The following CHST11 variants were observed in gnomAD, a reference collection of about 807,000 sequenced individuals.
CHST11 encodes the protein C4S-1.
A neutral mutation model predicts 30.4 loss-of-function variants in CHST11; 9 were observed. The observed-to-expected ratio is 0.30, with a 90% CI of 0.18 to 0.52. CHST11 has a LOEUF of 0.52. CHST11 is among the 20% of genes least tolerant of loss of function. CHST11 has a pLI of 0.97. For missense variants in CHST11, 348 were observed against 460.6 expected, an observed-to-expected ratio of 0.76 and a Z score of 2.24; for synonymous variants, 152 against 187.8, an observed-to-expected ratio of 0.81 and a Z score of 1.56.
chr12:104,481,909 C>G (rs1274690820), intron 1 of CHST11, among the ~76,000 whole-genome samples: 2 of 146,828 alleles, frequency 1.4e-5, no homozygotes, highest in Admixed American at 1.4e-4. Flanking sequence ...ATGATCTTGG[C>G]TCACTGCAGC....
intron 1 of CHST11, among the ~76,000 whole-genome samples, chr12:104,546,818 G>T (rs550459272): frequency 7.2e-5 from 11 of 152,224 alleles, no homozygotes; most frequent in African/African-American, 2.7e-4. Context: ...GACCAGCCAC[G>T]TGTGTACCCT....
At chr12:104,460,335 T>C (rs1388477222) in intron 1 of CHST11, among the ~76,000 whole-genome samples, 1 of 152,114 alleles carries the variant, frequency 6.6e-6, no homozygotes, top group African/African-American at 2.4e-5. Flanking sequence ...CCAGGCTTCG[T>C]TGGTGGCTGG....
chr12:104,458,419 A>G lies in CHST11; in HGVS notation c.118+890A>G, dbSNP rs989368585. On this transcript the variant is annotated intron_variant, in intron 1 of 2. Coordinates refer to ENST00000303694, the MANE Select transcript of CHST11 (RefSeq NM_018413.6). The surrounding 1 kb of genome is among the most constrained non-coding windows in gnomAD (Gnocchi z 5.7). Reference sequence around the variant, plus strand: ...TCCTCCGGTCCCTTGTGGCTCAGGCAAAGTTCCACGTCCGAAATCTGGACT... The same window carrying G: ...TCCTCCGGTCCCTTGTGGCTCAGGCGAAGTTCCACGTCCGAAATCTGGACT... Among the ~76,000 whole-genome samples, 1 of 152,184 alleles carries G rather than the reference A, an allele frequency of 6.6e-6. No individual in the cohort carries two copies. Among genetic ancestry groups the G allele is most frequent in the Non-Finnish European group, 1.5e-5 (1 of 68,018 alleles).
At chr12:104,572,271 A>G (rs1360866266) in intron 1 of CHST11, among the ~76,000 whole-genome samples, 1 of 151,990 alleles carries the variant, frequency 6.6e-6, no homozygotes, top group Non-Finnish European at 1.5e-5. Context: ...ATTGATTGGA[A>G]TAGTTTCAGA....
At chr12:104,533,747 C>T (rs1437268507) in intron 1 of CHST11, among the ~76,000 whole-genome samples, 2 of 152,114 alleles carry the variant, frequency 1.3e-5, no homozygotes, top group African/African-American at 2.4e-5. Flanking sequence ...ACAGTGGAAA[C>T]GTAGGAGCTG....
At chr12:104,543,980 C>T (rs1357612849) in intron 1 of CHST11, among the ~76,000 whole-genome samples, 1 of 150,122 alleles carries the variant, frequency 6.7e-6, no homozygotes, top group African/African-American at 2.5e-5. Flanking sequence ...AAAAATTAGC[C>T]GAGCCTGGTG....
intron 1 of CHST11, among the ~76,000 whole-genome samples, chr12:104,539,245 C>T (rs2038266015): frequency 6.6e-6 from 1 of 152,158 alleles, no homozygotes; most frequent in African/African-American, 2.4e-5. Flanking sequence ...CCAGCACTTG[C>T]CTGCTGTGTG....
At chr12:104,654,443 C>T (rs1342609112) in intron 2 of CHST11, among the ~76,000 whole-genome samples, 1 of 152,088 alleles carries the variant, frequency 6.6e-6, no homozygotes, top group Non-Finnish European at 1.5e-5. Flanking sequence ...TAGGAAGTGA[C>T]CAAGGACGTG....
At chr12:104,477,200 C>T (rs2037571654) in intron 1 of CHST11, among the ~76,000 whole-genome samples, 1 of 152,132 alleles carries the variant, frequency 6.6e-6, no homozygotes, top group Non-Finnish European at 1.5e-5. Flanking sequence ...ACTAGGTACC[C>T]ATTACAGGTG....
At chr12:104,628,039 A>G (rs941452874) in intron 2 of CHST11, among the ~76,000 whole-genome samples, 1 of 152,206 alleles carries the variant, frequency 6.6e-6, no homozygotes, top group African/African-American at 2.4e-5. Context: ...CTGGCATGTG[A>G]TAGCAGCGGG....
intron 1 of CHST11, among the ~76,000 whole-genome samples, chr12:104,578,809 A>G (rs1238522774): frequency 1.3e-5 from 2 of 152,238 alleles, no homozygotes; most frequent in Admixed American, 6.5e-5. Flanking sequence ...TGAAAAGCCA[A>G]CAGTGTTAAT....
chr12:104,457,818 T>C (rs1241678461), intron 1 of CHST11, among the ~76,000 whole-genome samples: 1 of 151,202 alleles, frequency 6.6e-6, no homozygotes, highest in Non-Finnish European at 1.5e-5. Flanking sequence ...CTTCTTTTTT[T>C]CTTTGTGTCC....
Position 104,550,186 on chromosome 12 carries a change from G to A in CHST11, c.119-51720G>A, listed in dbSNP as rs139313420. ...TTAGGCTTTCCAGTCTAGAGCTTAC[G>A]ACCCCCAGTGCAGGAGTAGCTTGGT... On this transcript the variant is annotated intron_variant, in intron 1 of 2. Coordinates refer to ENST00000303694, the MANE Select transcript of CHST11 (RefSeq NM_018413.6). Among the ~76,000 whole-genome samples, 5 of 152,272 alleles carry A rather than the reference G, an allele frequency of 3.3e-5. No homozygotes were observed. The East Asian group carries it at 7.7e-4, about 23-fold the overall frequency.
chr12:104,682,944 C>T (rs2039812258), intron 2 of CHST11, among the ~76,000 whole-genome samples: 1 of 152,242 alleles, frequency 6.6e-6, no homozygotes, highest in South Asian at 2.1e-4. Context: ...CTCTGTCCTT[C>T]TTCTCCAGAC....
At chr12:104,548,758 G>A (rs916966447) in intron 1 of CHST11, among the ~76,000 whole-genome samples, 1 of 152,166 alleles carries the variant, frequency 6.6e-6, no homozygotes, top group African/African-American at 2.4e-5. Context: ...ATTCCTTAGG[G>A]CAGGGCCCCT....
chr12:104,750,994 CTTG>C lies in CHST11; in HGVS notation c.205-5950_205-5948del, dbSNP rs568182501. Among the ~76,000 whole-genome samples the C allele has an allele frequency of 2.1e-3, 326 of 152,224 alleles. 1 individual carries two copies. Among genetic ancestry groups the C allele is most frequent in the African/African-American group, 7.6e-3 (314 of 41,518 alleles). On this transcript the variant is annotated intron_variant, in intron 2 of 2. Transcript: ENST00000303694. ...CTTCCTGAGGGGAAACTGTGTGTGC[CTTG>C]TTGTGGCAGGTGCACCATTTGCCCC...
In CHST11 at chr12:104,573,448, G is replaced by A. The variant is rs2038650316; in HGVS notation, c.119-28458G>A. ...CAAAGCTGGAGGCATCACGCTACCT[G>A]ACTTCAAACTATACTACAAGGCTAC... On this transcript the variant is annotated intron_variant, in intron 1 of 2. Coordinates refer to ENST00000303694, the MANE Select transcript of CHST11 (RefSeq NM_018413.6). Among the ~76,000 whole-genome samples the A allele has an allele frequency of 2.0e-5, 3 of 152,216 alleles. No individual in the cohort carries two copies. The South Asian group carries it at 6.2e-4, about 32-fold the overall frequency.
chr12:104,586,167 C>A (rs934906231), intron 1 of CHST11, among the ~76,000 whole-genome samples: 3 of 152,136 alleles, frequency 2.0e-5, no homozygotes, highest in African/African-American at 7.2e-5. Context: ...TTTGGAGGGA[C>A]ACTGTGCAGT....
At chr12:104,594,163 G>C (rs1346869026) in intron 1 of CHST11, among the ~76,000 whole-genome samples, 1 of 152,174 alleles carries the variant, frequency 6.6e-6, no homozygotes, top group Non-Finnish European at 1.5e-5. Flanking sequence ...GGGCAAACCT[G>C]GCAGGTGAGG....
Sources: gnomAD v4.1 joint callset for allele counts (sites outside exome capture counted in the v4.1 genomes callset) on GRCh38, gnomAD v4.1.1 for gene constraint, Gnocchi (gnomAD v3.1) non-coding constraint, MANE v1.5 for transcripts, NCBI Gene and HGNC (gene_info 2026-07-23, HGNC 2026-07-21) for gene names.